MAD1L1: variants seen among roughly 807,000 people sequenced by gnomAD.
The protein encoded by MAD1L1 is mitotic spindle assembly checkpoint protein MAD1.
A neutral mutation model predicts 96.9 loss-of-function variants in MAD1L1; 95 were observed. The ratio of observed to expected loss-of-function variants is 0.98; its 90% CI spans 0.83 to 1.16. MAD1L1 has a LOEUF of 1.16. Among genes scored for constraint, MAD1L1 ranks in the 50% most tolerant of loss-of-function variants. MAD1L1 has a pLI of 0.00. For synonymous variants in MAD1L1, 473 were observed against 396.6 expected (o/e 1.19, Z -2.29); for missense variants, 1,007 against 954.4 (o/e 1.06, Z -0.73).
rs1789090918 is a variant in MAD1L1, at chr7:2,142,544, C to T, written c.1073+6608G>A. Among the ~76,000 whole-genome samples the T allele has an allele frequency of 6.6e-6, 1 of 152,220 alleles. No homozygotes were observed. Among genetic ancestry groups the T allele is most frequent in the Admixed American group, 6.5e-5 (1 of 15,290 alleles). On this transcript the variant is annotated intron_variant, in intron 11 of 18. Coordinates refer to ENST00000265854, the MANE Select transcript of MAD1L1 (RefSeq NM_001013836.2). The surrounding 1 kb of genome is among the most constrained non-coding windows in gnomAD (Gnocchi z 4.7). ...GGAGCGCCCCTAGCTGCCACTGAGC[C>T]CACGGTGAAGGGCACGGTGCCACCC...
rs557913502 is a variant in MAD1L1, at chr7:2,165,195, C to T, written c.987-15957G>A. Among the ~76,000 whole-genome samples, 3 of 150,024 alleles carry T rather than the reference C, an allele frequency of 2.0e-5. No individual in the cohort carries two copies. In the South Asian group the frequency reaches 6.3e-4, roughly 32 times the overall value. ...CTCCAGCCTGGGCGACAAAGTGAGA[C>T]TCCATCTCAAAAAAAAAAAGAAAAA... On this transcript the variant is annotated intron_variant, in intron 10 of 18. Transcript: ENST00000265854.
intron 15 of MAD1L1, among the ~76,000 whole-genome samples, chr7:1,958,299 C>T (rs1006190498): frequency 3.9e-5 from 6 of 152,118 alleles, no homozygotes; most frequent in East Asian, 3.8e-4. Context: ...CCTCCATGGC[C>T]GCAACCGGAA....
chr7:2,033,238 C>T (rs1160198404), intron 12 of MAD1L1, among the ~76,000 whole-genome samples: 3 of 152,228 alleles, frequency 2.0e-5, no homozygotes, highest in African/African-American at 4.8e-5. Context: ...GTGTGAGTAA[C>T]GCACCCCGGG....
At chr7:2,124,734 G>C (rs1788149954) in intron 11 of MAD1L1, among the ~76,000 whole-genome samples, 1 of 152,176 alleles carries the variant, frequency 6.6e-6, no homozygotes, top group Admixed American at 6.5e-5. Context: ...CTCTGGGTCA[G>C]GAGACAGCCA....
intron 11 of MAD1L1, among the ~76,000 whole-genome samples, chr7:2,110,374 G>A (rs150034256): frequency 0.019 from 2,870 of 152,306 alleles, 53 homozygotes; most frequent in Middle Eastern, 0.037. Context: ...TTGGCGCCTC[G>A]AGGTCCCGGC....
intron 17 of MAD1L1, among the ~76,000 whole-genome samples, chr7:1,911,054 G>A (rs1787985345): frequency 6.9e-6 from 1 of 144,626 alleles, no homozygotes; most frequent in Non-Finnish European, 1.5e-5. Flanking sequence ...TTAGCCGTGA[G>A]GATTCATAAC....
intron 18 of MAD1L1, among the ~76,000 whole-genome samples, chr7:1,884,668 G>A (rs1583651169): frequency 1.3e-5 from 2 of 152,246 alleles, no homozygotes; most frequent in South Asian, 2.1e-4. Context: ...CTGGGCAGCA[G>A]GGGAGTTGTC....
intron 18 of MAD1L1, among the ~76,000 whole-genome samples, chr7:1,871,250 T>C (rs1583612279): frequency 7.1e-6 from 1 of 140,020 alleles, no homozygotes; most frequent in African/African-American, 2.8e-5. Context: ...CCTGCCACGC[T>C]GAACCCAACA....
intron 12 of MAD1L1, among the ~76,000 whole-genome samples, chr7:2,019,098 A>G (rs898051904): frequency 6.6e-6 from 1 of 152,224 alleles, no homozygotes; most frequent in African/African-American, 2.4e-5. Flanking sequence ...GGGGCTGCAG[A>G]CACGGCTCTG....
chr7:1,944,122 C>G (rs1299797031), intron 16 of MAD1L1, among the ~76,000 whole-genome samples: 1 of 152,082 alleles, frequency 6.6e-6, no homozygotes, highest in Non-Finnish European at 1.5e-5. Flanking sequence ...ATGCTCAGAA[C>G]AGGCCACGGG....
At chr7:1,980,709 A>C (rs544427305) in intron 14 of MAD1L1, 168 bp from the exon 15 acceptor site, 2 of 709,384 alleles carry the variant, frequency 2.8e-6, no homozygotes, top group South Asian at 3.0e-5. Flanking sequence ...GCCAGACAGC[A>C]CTCTAACTTT....
intron 5 of MAD1L1, 98 bp downstream of exon 5, chr7:2,222,476 CA>C (rs1793659446): frequency 9.2e-7 from 1 of 1,081,240 alleles, no homozygotes; most frequent in East Asian, 2.7e-5. Flanking sequence ...GTGTGGGAAG[CA>C]CAAGTGAAAA....
At chr7:2,178,105 T>A (rs1791028758) in intron 10 of MAD1L1, among the ~76,000 whole-genome samples, 1 of 152,268 alleles carries the variant, frequency 6.6e-6, no homozygotes, top group Non-Finnish European at 1.5e-5. Flanking sequence ...GCTGGTTTTA[T>A]GTTCTATTTT....
chr7:2,183,922 TAAAAA>T, intron 10 of MAD1L1, among the ~76,000 whole-genome samples: 1 of 150,940 alleles, frequency 6.6e-6, no homozygotes, highest in Non-Finnish European at 1.5e-5. Flanking sequence ...AAAATAAAAA[TAAAAA>T]TAAAAATAAA....
chr7:1,913,934 C>T (rs539900333), intron 17 of MAD1L1, among the ~76,000 whole-genome samples: 22 of 152,250 alleles, frequency 1.4e-4, no homozygotes, highest in African/African-American at 4.6e-4. Context: ...TGGGTGGCCA[C>T]GCTGGAGGGA....
At chr7:1,869,239 G>T (rs1784927443) in intron 18 of MAD1L1, among the ~76,000 whole-genome samples, 1 of 152,152 alleles carries the variant, frequency 6.6e-6, no homozygotes, top group African/African-American at 2.4e-5. Context: ...CGCCAGGGAA[G>T]GAGCAGTCAG....
intron 13 of MAD1L1, among the ~76,000 whole-genome samples, chr7:2,003,026 G>A (rs1781871038): frequency 6.6e-6 from 1 of 151,208 alleles, no homozygotes; most frequent in Non-Finnish European, 1.5e-5. Context: ...GAGGCAGGGG[G>A]CCTTGTGAGA....
At position 1,828,680 on chromosome 7, in the gene MAD1L1, C is replaced by T. The variant is rs187836734; in HGVS notation, c.1999-12452G>A. ...ACCTGAACTGTGTCTCCGAACAGAG[C>T]TCACGAATATTTATAGGAACACACA... On this transcript the variant is annotated intron_variant, in intron 18 of 18. Coordinates refer to ENST00000265854, the MANE Select transcript of MAD1L1 (RefSeq NM_001013836.2). 1.6e-3 allele frequency among the ~76,000 whole-genome samples: 236 copies of T among 152,248 alleles called. 1 individual carries two copies. The highest frequency in any genetic ancestry group is 2.4e-3 in the Non-Finnish European group (161 of 68,028).
At chr7:1,985,779 T>C (rs1781111117) in intron 14 of MAD1L1, among the ~76,000 whole-genome samples, 1 of 14,206 alleles carries the variant, frequency 7.0e-5, no homozygotes, top group South Asian at 0.011. Flanking sequence ...GTCACCTTCC[T>C]TCCTGTACTG....
Sources: gnomAD v4.1 joint callset for allele counts (sites outside exome capture counted in the v4.1 genomes callset) on GRCh38, gnomAD v4.1.1 for gene constraint, Gnocchi (gnomAD v3.1) non-coding constraint, MANE v1.5 for transcripts, NCBI Gene and HGNC (gene_info 2026-07-23, HGNC 2026-07-21) for gene names.